ENTREP2: variants seen among roughly 807,000 people sequenced by gnomAD.
ENTREP2 encodes protein ENTREP2.
the ENTREP2 span, among the ~76,000 whole-genome samples, chr15:29,282,060 G>C: frequency 6.6e-6 from 1 of 152,152 alleles, no homozygotes; most frequent in African/African-American, 2.4e-5. Flanking sequence ...GGATTTGTTT[G>C]GAAGCTATAA....
chr15:29,659,987 A>G, the ENTREP2 span, among the ~76,000 whole-genome samples: 2 of 152,012 alleles, frequency 1.3e-5, no homozygotes, highest in Non-Finnish European at 2.9e-5. Flanking sequence ...TTTTTAGTAG[A>G]GACAAGGTTT....
At chr15:29,193,733 T>C in the ENTREP2 span, among the ~76,000 whole-genome samples, 6 of 152,202 alleles carry the variant, frequency 3.9e-5, no homozygotes, top group Non-Finnish European at 5.9e-5. Context: ...AGCACATGAC[T>C]GTCTACATAA....
At chr15:29,666,294 A>G in the ENTREP2 span, among the ~76,000 whole-genome samples, 3 of 152,114 alleles carry the variant, frequency 2.0e-5, no homozygotes, top group African/African-American at 7.2e-5. Context: ...TGTCACCAGC[A>G]GCTCAGGCCA....
the ENTREP2 span, among the ~76,000 whole-genome samples, chr15:29,657,407 C>T: frequency 1.5e-5 from 2 of 135,604 alleles, no homozygotes; most frequent in African/African-American, 2.7e-5. Flanking sequence ...GCAGTAGCAG[C>T]TATAAAGAAG....
chr15:29,387,290 C>T, the ENTREP2 span, among the ~76,000 whole-genome samples: 1 of 152,112 alleles, frequency 6.6e-6, no homozygotes, highest in African/African-American at 2.4e-5. Context: ...TGTTTATATG[C>T]TGGATTACAT....
chr15:29,207,109 T>C, the ENTREP2 span, among the ~76,000 whole-genome samples: 3 of 152,234 alleles, frequency 2.0e-5, no homozygotes, highest in African/African-American at 7.2e-5. Context: ...AGCTCTTCCT[T>C]ACTCCAGAGC....
chr15:29,401,220 A>T, the ENTREP2 span, among the ~76,000 whole-genome samples: 1 of 152,356 alleles, frequency 6.6e-6, no homozygotes, highest in South Asian at 2.1e-4. Flanking sequence ...TATGGTTAAA[A>T]AAAACCCATA....
chr15:29,170,580 C>CTG, the ENTREP2 span, among the ~76,000 whole-genome samples: 3,909 of 149,760 alleles, frequency 0.026, 161 homozygotes, highest in African/African-American at 0.086. Context: ...CACAACAAGA[C>CTG]TGTGTGTGTG....
the ENTREP2 span, among the ~76,000 whole-genome samples, chr15:29,567,538 C>G: frequency 6.6e-6 from 1 of 152,144 alleles, no homozygotes; most frequent in Non-Finnish European, 1.5e-5. Context: ...CCCTCTTCCC[C>G]TTAGTTTACT....
At chr15:29,487,496 G>A in the ENTREP2 span, among the ~76,000 whole-genome samples, 1 of 152,102 alleles carries the variant, frequency 6.6e-6, no homozygotes, top group East Asian at 1.9e-4. Flanking sequence ...TCATGTTTTG[G>A]CATCTGGTGC....
chr15:29,547,747 C>T, the ENTREP2 span, among the ~76,000 whole-genome samples: 6 of 152,072 alleles, frequency 3.9e-5, no homozygotes, highest in African/African-American at 9.7e-5. Context: ...GGATATATAT[C>T]GAAAAAATGG....
At chr15:29,303,132 G>C in the ENTREP2 span, among the ~76,000 whole-genome samples, 1 of 152,176 alleles carries the variant, frequency 6.6e-6, no homozygotes, top group Non-Finnish European at 1.5e-5. Context: ...ACAGGGGCTG[G>C]GTGGCCTGGC....
the ENTREP2 span, among the ~76,000 whole-genome samples, chr15:29,246,777 G>T: frequency 3.3e-4 from 50 of 152,114 alleles, 1 homozygote; most frequent in East Asian, 9.3e-3. Context: ...CTTCATTAAG[G>T]GGTGGTTATA....
the ENTREP2 span, among the ~76,000 whole-genome samples, chr15:29,159,118 T>C: frequency 3.3e-5 from 5 of 152,186 alleles, no homozygotes; most frequent in Non-Finnish European, 7.3e-5. Flanking sequence ...ACCCTCGCGC[T>C]GAGTGTTACA....
the ENTREP2 span, among the ~76,000 whole-genome samples, chr15:29,632,917 A>G: frequency 6.6e-6 from 1 of 152,092 alleles, no homozygotes; most frequent in Non-Finnish European, 1.5e-5. Context: ...GTGATTTTGG[A>G]CGGTAATGCA....
At chr15:29,607,000 A>G in the ENTREP2 span, among the ~76,000 whole-genome samples, 7 of 152,128 alleles carry the variant, frequency 4.6e-5, no homozygotes, top group African/African-American at 1.7e-4. Context: ...CACCCAGCTA[A>G]TTTTTGTATT....
At chr15:29,476,119 C>G in the ENTREP2 span, among the ~76,000 whole-genome samples, 1 of 152,228 alleles carries the variant, frequency 6.6e-6, no homozygotes, top group African/African-American at 2.4e-5. Context: ...AAATTATACT[C>G]TTCAAAAGGA....
At chr15:29,234,329 A>C in the ENTREP2 span, 9 of 1,603,510 alleles carry the variant, frequency 5.6e-6, no homozygotes, top group African/African-American at 6.7e-5. Flanking sequence ...AGAGTAACTA[A>C]TGAGAATCTC....
At chr15:29,640,470 C>A in the ENTREP2 span, among the ~76,000 whole-genome samples, 2 of 151,956 alleles carry the variant, frequency 1.3e-5, no homozygotes, top group Non-Finnish European at 2.9e-5. Context: ...CTAGCCTGGG[C>A]AACATGGTGA....
Sources: gnomAD v4.1 joint callset for allele counts (sites outside exome capture counted in the v4.1 genomes callset) on GRCh38, gnomAD v4.1.1 for gene constraint, MANE v1.5 for transcripts, NCBI Gene and HGNC (gene_info 2026-07-23, HGNC 2026-07-21) for gene names.